ZNF449: variants seen among roughly 807,000 people sequenced by gnomAD.
The protein encoded by ZNF449 is zinc finger protein 449.
ZNF449 carries 4 observed loss-of-function variants against 32.6 expected under a neutral mutation model. The observed-to-expected ratio is 0.12, with a 90% CI of 0.06 to 0.28. ZNF449 has a LOEUF of 0.28. ZNF449 is among the 10% of genes least tolerant of loss of function. ZNF449 has a pLI of 1.00. For synonymous variants in ZNF449, 123 were observed against 132.2 expected (o/e 0.93, Z 0.48); for missense variants, 275 against 383.2 (o/e 0.72, Z 2.36).
At chrX:135,351,024 G>T (rs1428407717) in intron 3 of ZNF449, among the ~76,000 whole-genome samples, 1 of 111,481 alleles carries the variant, frequency 9.0e-6, no homozygotes, top group Non-Finnish European at 1.9e-5. Context: ...AATAGAAGAG[G>T]CTGGAGAGAG....
chrX:135,357,125 T>C (rs1019026176), intron 3 of ZNF449, among the ~76,000 whole-genome samples: 2 of 111,988 alleles, frequency 1.8e-5, no homozygotes, highest in Non-Finnish European at 3.8e-5. Context: ...TAGCCCAAAA[T>C]ATTTTTTTAA....
intron 3 of ZNF449, among the ~76,000 whole-genome samples, chrX:135,351,794 C>T (rs1391120114): frequency 3.6e-5 from 4 of 109,811 alleles, no homozygotes; most frequent in Non-Finnish European, 7.6e-5. Flanking sequence ...CATGTTAATT[C>T]GCTCCTTTTG....
At chrX:135,358,356 A>T (rs1201977230) in intron 3 of ZNF449, among the ~76,000 whole-genome samples, 1 of 111,671 alleles carries the variant, frequency 9.0e-6, no homozygotes, top group Non-Finnish European at 1.9e-5. Flanking sequence ...GACTCTTAAG[A>T]AGCTGAAAGA....
At position 135,361,030 on chromosome X, in the gene ZNF449, C is replaced by G; in HGVS notation, c.1511C>G (p.Ala504Gly). The change falls in exon 5 of 5, where the codon GCC becomes GGC. Residue 504 changes from alanine to glycine, a missense_variant. Around this residue, in one of 3 missense-constraint regions of ZNF449, gnomAD observed 80 missense variants for 146.6 expected, o/e 0.55. Coordinates refer to ENST00000339249, the MANE Select transcript of ZNF449 (RefSeq NM_152695.6). The stretch of plus-strand genomic sequence containing the variant: ...TGTTCTAAAAGCTTCAGACAGAGAG[C>G]CGGCCTTATTATGCACCAGGTCACT... ...THCSKSFRQRAGLIMHQVTHF... is the reference protein window; with the variant it reads ...THCSKSFRQRGGLIMHQVTHF... 1 of 1,200,911 alleles carries G rather than the reference C, an allele frequency of 8.3e-7. No homozygotes were observed.
Position 135,361,035 on chromosome X carries a change from C to T in ZNF449, c.1516C>T (p.Leu506Phe). ...TAAAAGCTTCAGACAGAGAGCCGGC[C>T]TTATTATGCACCAGGTCACTCACTT... ...CSKSFRQRAG[L>F]IMHQVTHFRG... is the part of the protein sequence containing the mutation. The change falls in exon 5 of 5, where the codon CTT becomes TTT. Residue 506 changes from leucine to phenylalanine, a missense_variant. Around this residue, in one of 3 missense-constraint regions of ZNF449, gnomAD observed 80 missense variants for 146.6 expected, o/e 0.55. Transcript: ENST00000339249. The T allele has an allele frequency of 8.3e-7, 1 of 1,198,958 alleles. No homozygotes were observed. The highest frequency in any genetic ancestry group is 1.1e-6 in the Non-Finnish European group (1 of 890,749).
chrX:135,349,332 C>T lies in ZNF449; in HGVS notation c.559+18C>T, dbSNP rs145464500. 4 of 1,200,403 alleles carry T rather than the reference C, an allele frequency of 3.3e-6. No individual in the cohort carries two copies. The highest frequency in any genetic ancestry group is 5.9e-5 in the East Asian group (2 of 33,672). ...GGACCCTGGTAAGGCAAGGGTTTCT[C>T]TCCTTTCTTTTGTTTCTGTTTTGAG... On this transcript the variant is annotated intron_variant, in intron 3 of 4. Coordinates refer to ENST00000339249, the MANE Select transcript of ZNF449 (RefSeq NM_152695.6).
chrX:135,358,976 G>C (rs192632224), intron 3 of ZNF449, among the ~76,000 whole-genome samples: 67 of 111,392 alleles, frequency 6.0e-4, no homozygotes, highest in Non-Finnish European at 2.1e-4. Context: ...ACTAAAACAA[G>C]GTATTTTAGC....
In ZNF449 at chrX:135,347,041, C is replaced by A. The variant is rs140129178; in HGVS notation, c.-78C>A. ...TAGCTGTAGGTGGCTCCCTCCCACC[C>A]CAACGATTTCAGAGAGAAACAAGTC... is the stretch of plus-strand genomic sequence containing the variant. On this transcript the variant is annotated 5_prime_UTR_variant, in exon 2 of 5. Transcript: ENST00000339249. 6,145 of 1,056,239 alleles carry A rather than the reference C, an allele frequency of 5.8e-3. 13 individuals are homozygous for A. The highest frequency in any genetic ancestry group is 7.3e-3 in the Non-Finnish European group (5,713 of 785,813). The allele number at this position is 1,056,239 out of a possible 1,213,427, so 87.0% of individuals were successfully genotyped here. A position where few individuals can be genotyped will look rare whatever the true frequency, so the allele number is the denominator to read the frequency against.
rs1449462560 is a variant in ZNF449 at position 135,347,582 on chromosome X, C to T, written c.354+110C>T. The stretch of plus-strand genomic sequence containing the variant: ...GTCATTCCCCAGCCTCAAGATTTCT[C>T]CAGAGTCCTCTTCCTTTTTCTCTTC... On this transcript the variant is annotated intron_variant, in intron 2 of 4. Transcript: ENST00000339249. The T allele has an allele frequency of 2.6e-6, 3 of 1,168,739 alleles. No individual in the cohort carries two copies. The Admixed American group carries it at 7.7e-5, about 30-fold the overall frequency.
Position 135,359,949 on chromosome X carries a change from G to T in ZNF449, c.617G>T (p.Trp206Leu). Residue 206 changes from tryptophan (W) to leucine (L), a missense_variant, in exon 4 of 5, where the codon TGG becomes TTG. Trp to Leu is a moderately conservative substitution (Grantham distance 61). This residue lies in a region of ZNF449 where 165 missense variants were observed against 175.0 expected (regional missense o/e 0.94). Transcript: ENST00000339249. ...NFSLENREEP[W>L]VKELQDSKEM... ...TCATTGGAGAATAGAGAAGAGCCATGGGTGAAGGAATTACAGGATTCTAAA... is the reference window on the plus strand; with the variant it reads ...TCATTGGAGAATAGAGAAGAGCCATTGGTGAAGGAATTACAGGATTCTAAA... 8.3e-7 allele frequency: 1 copy of T among 1,201,993 alleles called. No homozygotes were observed. Among genetic ancestry groups the T allele is most frequent in the East Asian group, 3.0e-5 (1 of 33,608 alleles).
At chrX:135,349,374 A>AG in intron 3 of ZNF449, 60 bp downstream of exon 3, 1 of 1,115,909 alleles carries the variant, frequency 9.0e-7, no homozygotes, top group Non-Finnish European at 1.2e-6. Flanking sequence ...GGAACTCTCA[A>AG]GGGTTGGGGT....
Position 135,361,212 on chromosome X carries a change from T to A in ZNF449, c.*136T>A. The A allele has an allele frequency of 2.1e-6, 1 of 478,712 alleles. No individual in the cohort carries two copies. The highest frequency in any genetic ancestry group is 3.3e-6 in the Non-Finnish European group (1 of 301,813). The allele number at this position is 478,712 out of a possible 1,213,427, so 39.5% of individuals were successfully genotyped here. A position where few individuals can be genotyped will look rare whatever the true frequency, so the allele number is the denominator to read the frequency against. Reference sequence around the variant, plus strand: ...AGACAGCTTTTTTTTTTACTAGTTTTAAAACCCATCTTCCAAGGTATATGA... The same window carrying A: ...AGACAGCTTTTTTTTTTACTAGTTTAAAAACCCATCTTCCAAGGTATATGA... On this transcript the variant is annotated 3_prime_UTR_variant, in exon 5 of 5. Coordinates refer to ENST00000339249, the MANE Select transcript of ZNF449 (RefSeq NM_152695.6).
intron 2 of ZNF449, chrX:135,347,757 G>A (rs1361092538): frequency 1.1e-6 from 1 of 873,940 alleles, no homozygotes; most frequent in African/African-American, 2.0e-5. Context: ...CAAAGCATCA[G>A]TAAATTGCTC....
chrX:135,351,886 T>C (rs781874831), intron 3 of ZNF449, among the ~76,000 whole-genome samples: 3 of 111,763 alleles, frequency 2.7e-5, no homozygotes, highest in South Asian at 7.4e-4. Flanking sequence ...CATGGAAATC[T>C]AGTATATTTA....
chrX:135,344,876 G>A (rs2084829731), intron 1 of ZNF449, 41 bp downstream of exon 1: 1 of 113,294 alleles, frequency 8.8e-6, no homozygotes, highest in Non-Finnish European at 1.9e-5. Flanking sequence ...CGTTCCCTGG[G>A]GCGCGGGCGC....
chrX:135,347,582 C>G (rs1449462560), intron 2 of ZNF449, 110 bp downstream of exon 2: 5 of 1,167,619 alleles, frequency 4.3e-6, no homozygotes, highest in African/African-American at 1.8e-5. Context: ...CAAGATTTCT[C>G]CAGAGTCCTC....
Position 135,347,374 on chromosome X carries a change from A to C in ZNF449, c.256A>C (p.Ile86Leu). The change falls in exon 2 of 5, where the codon ATA becomes CTA. Residue 86 changes from isoleucine to leucine, a missense_variant. Ile to Leu is a conservative substitution (Grantham distance 5). Around this residue, in one of 3 missense-constraint regions of ZNF449, gnomAD observed 165 missense variants for 175.0 expected, o/e 0.94. Transcript: ENST00000339249. Reference protein sequence around the residue: ...EQFLTILPTEIETWVREHCPE... With the variant: ...EQFLTILPTELETWVREHCPE... ...ATTCCTAACTATCCTGCCCACAGAG[A>C]TAGAGACCTGGGTGAGGGAGCACTG... 2 of 1,212,230 alleles carry C rather than the reference A, an allele frequency of 1.6e-6. No individual in the cohort carries two copies. The highest frequency in any genetic ancestry group is 2.2e-6 in the Non-Finnish European group (2 of 895,636).
At chrX:135,354,275 G>A (rs1043307678) in intron 3 of ZNF449, among the ~76,000 whole-genome samples, 3 of 112,036 alleles carry the variant, frequency 2.7e-5, no homozygotes, top group Non-Finnish European at 5.6e-5. Context: ...CGCTATGTTG[G>A]CCAACAGAGT....
At chrX:135,349,901 AC>A (rs1308106466) in intron 3 of ZNF449, among the ~76,000 whole-genome samples, 4 of 111,551 alleles carry the variant, frequency 3.6e-5, no homozygotes, top group African/African-American at 1.3e-4. Context: ...TGGCCCAGAC[AC>A]CACAGGGATT....
Sources: gnomAD v4.1 joint callset for allele counts (sites outside exome capture counted in the v4.1 genomes callset) on GRCh38, gnomAD v4.1.1 for gene constraint, gnomAD v4.1.1 regional missense constraint, MANE v1.5 for transcripts, NCBI Gene and HGNC (gene_info 2026-07-23, HGNC 2026-07-21) for gene names.